Variants in GSN observed in about 807,000 individuals in gnomAD.
The protein encoded by GSN is gelsolin, also known as actin-depolymerizing factor.
Under a neutral mutation model 85.7 loss-of-function variants are expected in GSN, and 56 were observed. The ratio of observed to expected loss-of-function variants is 0.65; its 90% CI spans 0.53 to 0.82. GSN has a LOEUF of 0.82. GSN is among the 40% of genes least tolerant of loss of function. The pLI is 0.00. For missense variants in GSN, 857 were observed against 979.8 expected (o/e 0.87, Z 1.67); for synonymous variants, 373 against 399.1 (o/e 0.93, Z 0.78).
At chr9:121,319,750 C>A (rs2062176228) in intron 10 of GSN, among the ~76,000 whole-genome samples, 1 of 151,626 alleles carries the variant, frequency 6.6e-6, no homozygotes, top group African/African-American at 2.4e-5. Flanking sequence ...GGATTGGAGG[C>A]AGGAAAATGA....
In GSN at chr9:121,216,498, A is replaced by G. The variant is rs1564335296; in HGVS notation, c.-528+5631A>G. On this transcript the variant is annotated intron_variant, in intron 4 of 24. Transcript: ENST00000373823. ...TTCACTGGCCAAGACTTTGCTTGCT[A>G]TATTTCCCCCAGAAACAGTCCCTAA... is the stretch of plus-strand genomic sequence containing the variant. Among the ~76,000 whole-genome samples, 11 of 152,268 alleles carry G rather than the reference A, an allele frequency of 7.2e-5. No individual in the cohort carries two copies. In the South Asian group the frequency reaches 2.3e-3, roughly 32 times the overall value.
intron 2 of GSN, among the ~76,000 whole-genome samples, chr9:121,298,452 T>A (rs2059422968): frequency 6.6e-6 from 1 of 152,198 alleles, no homozygotes; most frequent in East Asian, 1.9e-4. Flanking sequence ...AAGTTGTGGG[T>A]GGGAGAGGGC....
rs926910208 is a variant in GSN at position 121,245,377 on chromosome 9, G to T, written c.-388-2899G>T. On this transcript the variant is annotated intron_variant, in intron 5 of 24. Transcript: ENST00000373823. The stretch of plus-strand genomic sequence containing the variant: ...TCTTTCTTTCTTTCTTTCATTTTGA[G>T]TCAGGGTCTCACTCTGTCACCCATG... 3.9e-5 allele frequency among the ~76,000 whole-genome samples: 6 copies of T among 152,076 alleles called. No homozygotes were observed. The South Asian group carries it at 1.0e-3, about 26-fold the overall frequency.
At chr9:121,283,454 T>C (rs1446986241) in intron 2 of GSN, 1 of 153,588 alleles carries the variant, frequency 6.5e-6, no homozygotes, top group African/African-American at 2.4e-5. Context: ...TGTGCCACCA[T>C]ACCCGGCTAA....
chr9:121,310,849 A>T lies in GSN; in HGVS notation c.513+4A>T, dbSNP rs758551805. ...CTTCATCCTGGACCTGGGCAACGTG[A>T]GTCCTGCTTTCCTCTTTCCCAGGAG... On this transcript the variant is annotated splice_donor_region_variant and intron_variant, in intron 5 of 17. Coordinates refer to ENST00000432226, the MANE Select transcript of GSN (RefSeq NM_198252.3). 1 of 1,613,838 alleles carries T rather than the reference A, an allele frequency of 6.2e-7. No homozygotes were observed. The highest frequency in any genetic ancestry group is 1.3e-5 in the African/African-American group (1 of 75,048).
chr9:121,216,593 G>A (rs2054068561), intron 4 of GSN, among the ~76,000 whole-genome samples: 1 of 152,118 alleles, frequency 6.6e-6, no homozygotes, highest in Admixed American at 6.5e-5. Flanking sequence ...CTTCCTCTGT[G>A]ATGCCTGCCA....
At chr9:121,221,947 A>T (rs2132113420) in intron 4 of GSN, among the ~76,000 whole-genome samples, 1 of 152,320 alleles carries the variant, frequency 6.6e-6, no homozygotes, top group Non-Finnish European at 1.5e-5. Context: ...CTGCTTCTTA[A>T]GGGGTCTCCT....
At chr9:121,228,430 T>C (rs1390539467) in intron 4 of GSN, among the ~76,000 whole-genome samples, 1 of 39,072 alleles carries the variant, frequency 2.6e-5, no homozygotes, top group African/African-American at 1.4e-4. Context: ...ATATATTTTT[T>C]TTTTTTTTTT....
rs1281486864 is a variant in GSN at position 121,262,000 on chromosome 9, A to C, written c.-340-3154A>C. Among the ~76,000 whole-genome samples the C allele has an allele frequency of 6.6e-6, 1 of 152,120 alleles. No homozygotes were observed. Among genetic ancestry groups the C allele is most frequent in the Non-Finnish European group, 1.5e-5 (1 of 68,020 alleles). ...TGGGTGTGTTTAAGGGATTTTATGA[A>C]TTACTTTTTGTTTCTAAAGCACAGC... On this transcript the variant is annotated intron_variant, in intron 6 of 24. Transcript: ENST00000373823. This position sits in a 1 kb window ranked among gnomAD's most constrained non-coding sequence, Gnocchi z 4.1.
At chr9:121,309,969 A>AGAGAGAGAGAGAGCGGAAGGAAG (rs1491149668) in intron 4 of GSN, 3 of 150,558 alleles carry the variant, frequency 2.0e-5, no homozygotes, top group African/African-American at 7.5e-5. Flanking sequence ...AAAGGAAGGA[A>AGAGAGAGAGAGAGCGGAAGGAAG]GAGAGAGAGA....
rs981662876 is a variant in GSN, at chr9:121,270,835, G to A, written c.-103+2616G>A. ...ATGATTTCTGCTTGGTCTATGGTAC[G>A]TTGCTGAGACACTGAGCTCTGGTTT... On this transcript the variant is annotated intron_variant, in intron 1 of 17. Transcript: ENST00000432226. 2.0e-5 allele frequency among the ~76,000 whole-genome samples: 3 copies of A among 152,094 alleles called. No individual in the cohort carries two copies. The South Asian group carries it at 6.2e-4, about 31-fold the overall frequency.
rs34623899 is a variant in GSN, at chr9:121,250,872, GGTGTGTGTGTGT to G, written c.-341+2577_-341+2588del. On this transcript the variant is annotated intron_variant, in intron 6 of 24. Transcript: ENST00000373823. The stretch of plus-strand genomic sequence containing the variant: ...TTTTTTGCTTATCATGCCTGCTTGG[GGTGTGTGTGTGT>G]GTGTGTGTGTGTGTGTGTGTGTGTG... Among the ~76,000 whole-genome samples, 522 of 135,096 alleles carry G rather than the reference GGTGTGTGTGTGT, an allele frequency of 3.9e-3. 2 individuals are homozygous for G. The highest frequency in any genetic ancestry group is 8.1e-3 in the Middle Eastern group (2 of 246). 88.6% of individuals were successfully genotyped at this position (135,096 alleles called of 152,430 possible).
chr9:121,227,272 T>C (rs2054288045), intron 4 of GSN, among the ~76,000 whole-genome samples: 1 of 152,040 alleles, frequency 6.6e-6, no homozygotes, highest in Middle Eastern at 3.2e-3. Context: ...TGCGTGCCTG[T>C]AATCCCAGCT....
intron 2 of GSN, chr9:121,282,575 C>T (rs1026716569): frequency 5.5e-5 from 64 of 1,167,634 alleles, no homozygotes; most frequent in Middle Eastern, 3.2e-4. Flanking sequence ...TGGTGGTCCC[C>T]AGGATGTTGT....
At chr9:121,227,857 G>C (rs1333612356) in intron 4 of GSN, among the ~76,000 whole-genome samples, 1 of 152,076 alleles carries the variant, frequency 6.6e-6, no homozygotes, top group Non-Finnish European at 1.5e-5. Flanking sequence ...TGCCACTCAG[G>C]CTCAGCACTC....
intron 1 of GSN, among the ~76,000 whole-genome samples, chr9:121,272,862 G>T (rs1024938458): frequency 6.6e-6 from 1 of 152,162 alleles, no homozygotes; most frequent in Non-Finnish European, 1.5e-5. Flanking sequence ...TAGTCCTGGG[G>T]TTGTCATTAT....
intron 2 of GSN, among the ~76,000 whole-genome samples, chr9:121,298,966 A>G (rs2059477611): frequency 1.3e-5 from 2 of 152,208 alleles, no homozygotes; most frequent in African/African-American, 4.8e-5. Flanking sequence ...GTCAATGAAT[A>G]GTACCTAAAA....
chr9:121,290,742 C>T (rs1044481939), intron 2 of GSN, among the ~76,000 whole-genome samples: 4 of 152,228 alleles, frequency 2.6e-5, no homozygotes, highest in Non-Finnish European at 5.9e-5. Flanking sequence ...CTAATAAAAT[C>T]TGCTCATTTA....
intron 4 of GSN, among the ~76,000 whole-genome samples, chr9:121,303,965 G>A (rs1236746231): frequency 6.6e-6 from 1 of 152,226 alleles, no homozygotes; most frequent in Non-Finnish European, 1.5e-5. Flanking sequence ...GAGTCACACA[G>A]CGAATTGGTG....
Sources: allele counts gnomAD v4.1 joint callset (sites outside exome capture counted in the v4.1 genomes callset), GRCh38; gene constraint gnomAD v4.1.1; non-coding constraint Gnocchi (gnomAD v3.1); transcripts MANE v1.5; gene names NCBI Gene and HGNC (gene_info 2026-07-23, HGNC 2026-07-21).